GRIK1: variants seen among roughly 807,000 people sequenced by gnomAD.
GRIK1 encodes glutamate ionotropic receptor kainate type subunit 1, also known as glutamate receptor ionotropic, kainate 1.
Under a neutral mutation model 105.7 loss-of-function variants are expected in GRIK1, and 69 were observed. That is an observed-to-expected ratio of 0.65 (90% CI 0.54 to 0.80). The LOEUF is 0.80. Ranked by LOEUF, GRIK1 falls within the 30% of genes least tolerant of loss-of-function variation. GRIK1 has a pLI of 0.00. For synonymous variants in GRIK1, 438 were observed against 431.3 expected (o/e 1.02, Z -0.19); for missense variants, 1,109 against 1,167.3 (o/e 0.95, Z 0.73).
At chr21:29,608,537 G>A (rs991908604) in intron 7 of GRIK1, among the ~76,000 whole-genome samples, 7 of 152,096 alleles carry the variant, frequency 4.6e-5, no homozygotes, top group Non-Finnish European at 1.0e-4. Flanking sequence ...CTGCATTAAT[G>A]TAACACTATA....
intron 1 of GRIK1, among the ~76,000 whole-genome samples, chr21:29,851,257 G>A (rs1021654760): frequency 3.3e-5 from 5 of 152,148 alleles, no homozygotes; most frequent in Admixed American, 1.3e-4. Flanking sequence ...GTTTCACCAC[G>A]TTGGCCAGGC....
intron 1 of GRIK1, among the ~76,000 whole-genome samples, chr21:29,706,250 T>C (rs1057061743): frequency 3.3e-5 from 5 of 152,224 alleles, no homozygotes; most frequent in Non-Finnish European, 5.9e-5. Context: ...CATTTGAAAA[T>C]TTAAAAAATC....
chr21:29,681,507 C>A (rs181696176), intron 3 of GRIK1, among the ~76,000 whole-genome samples: 2 of 152,330 alleles, frequency 1.3e-5, no homozygotes, highest in African/African-American at 4.8e-5. Flanking sequence ...GAACCGCCTT[C>A]TCTCTCACAG....
intron 6 of GRIK1, among the ~76,000 whole-genome samples, chr21:29,649,411 T>C (rs763022630): frequency 4.6e-5 from 7 of 152,190 alleles, no homozygotes; most frequent in Non-Finnish European, 7.3e-5. Context: ...TAATAATAAC[T>C]GTAAGAACAC....
At chr21:29,723,996 A>G (rs1273231998) in intron 1 of GRIK1, among the ~76,000 whole-genome samples, 1 of 152,220 alleles carries the variant, frequency 6.6e-6, no homozygotes, top group Non-Finnish European at 1.5e-5. Flanking sequence ...TGTAATCAAC[A>G]AGAACATTAG....
chr21:29,937,797 ATT>A (rs11410205), intron 1 of GRIK1, among the ~76,000 whole-genome samples: 8 of 149,386 alleles, frequency 5.4e-5, no homozygotes, highest in African/African-American at 4.9e-5. Flanking sequence ...TGTTCAGAAT[ATT>A]TTTTTTTTTT....
At chr21:29,586,644 G>A (rs754247784) in intron 12 of GRIK1, among the ~76,000 whole-genome samples, 1 of 152,188 alleles carries the variant, frequency 6.6e-6, no homozygotes. Context: ...TTCAAATTTA[G>A]CATCAAAAGT....
At chr21:29,744,495 A>T (rs183978535) in intron 1 of GRIK1, among the ~76,000 whole-genome samples, 2 of 151,642 alleles carry the variant, frequency 1.3e-5, no homozygotes, top group East Asian at 3.9e-4. Context: ...AGACATTCTG[A>T]GGAGAGGGGG....
chr21:29,846,606 CTT>C (rs899041284), intron 1 of GRIK1, among the ~76,000 whole-genome samples: 1 of 152,078 alleles, frequency 6.6e-6, no homozygotes, highest in Non-Finnish European at 1.5e-5. Flanking sequence ...TGTGATTTAT[CTT>C]ATATATTCCT....
At chr21:29,784,517 A>T (rs570676689) in intron 1 of GRIK1, among the ~76,000 whole-genome samples, 431 of 152,008 alleles carry the variant, frequency 2.8e-3, no homozygotes, top group African/African-American at 8.7e-3. Context: ...GTTTTTTTTT[A>T]AAAAAATATC....
chr21:29,614,195 G>A (rs568154013), intron 7 of GRIK1, among the ~76,000 whole-genome samples: 2 of 152,190 alleles, frequency 1.3e-5, no homozygotes, highest in East Asian at 3.9e-4. Context: ...ATCTGAAGGA[G>A]GCCTGTAAGT....
intron 1 of GRIK1, among the ~76,000 whole-genome samples, chr21:29,859,532 A>G (rs1440457733): frequency 2.6e-5 from 4 of 152,206 alleles, no homozygotes; most frequent in Non-Finnish European, 5.9e-5. Flanking sequence ...AGAAATTTCC[A>G]AGAAGTACTT....
At chr21:29,663,477 A>C (rs1241403572) in intron 4 of GRIK1, among the ~76,000 whole-genome samples, 1 of 152,188 alleles carries the variant, frequency 6.6e-6, no homozygotes, top group East Asian at 1.9e-4. Context: ...CTTCTGTAAG[A>C]ATTCAGACCT....
rs190313931 is a variant in GRIK1 at position 29,894,603 on chromosome 21, C to T, written c.118+44780G>A. 7.2e-5 allele frequency among the ~76,000 whole-genome samples: 11 copies of T among 152,234 alleles called. 3 individuals carry two copies. Among genetic ancestry groups the T allele is most frequent in the Admixed American group, 7.2e-4 (11 of 15,292 alleles). ...TGTTAATCTCCTTTGGCGACACCCACACAGACATGCCCAGAAACAATACTT... is the reference window on the plus strand; with the variant it reads ...TGTTAATCTCCTTTGGCGACACCCATACAGACATGCCCAGAAACAATACTT... On this transcript the variant is annotated intron_variant, in intron 1 of 17. Coordinates refer to ENST00000327783, the MANE Select transcript of GRIK1 (RefSeq NM_001330994.2).
intron 1 of GRIK1, among the ~76,000 whole-genome samples, chr21:29,709,109 C>T (rs552215037): frequency 1.3e-5 from 2 of 152,152 alleles, no homozygotes; most frequent in South Asian, 2.1e-4. Context: ...TAATTTCTTA[C>T]TGATCTGTTA....
At chr21:29,851,321 C>G (rs903743920) in intron 1 of GRIK1, among the ~76,000 whole-genome samples, 2 of 152,142 alleles carry the variant, frequency 1.3e-5, no homozygotes, top group African/African-American at 2.4e-5. Context: ...TCCCAAAGTG[C>G]TGGAATTACA....
intron 1 of GRIK1, among the ~76,000 whole-genome samples, chr21:29,707,404 A>G (rs946503190): frequency 3.1e-5 from 2 of 65,438 alleles, no homozygotes; most frequent in African/African-American, 1.2e-4. Context: ...AGATGACTCT[A>G]TCCGGCTTTC....
chr21:29,815,799 T>C (rs1423216115), intron 1 of GRIK1, among the ~76,000 whole-genome samples: 1 of 151,890 alleles, frequency 6.6e-6, no homozygotes, highest in Non-Finnish European at 1.5e-5. Flanking sequence ...AAAAATAAAT[T>C]CAGACTAGAT....
chr21:29,856,536 C>G (rs2146072703), intron 1 of GRIK1, among the ~76,000 whole-genome samples: 1 of 152,282 alleles, frequency 6.6e-6, no homozygotes, highest in African/African-American at 2.4e-5. Flanking sequence ...TTTTGCTGAA[C>G]TGAAAATCGT....
Sources: gnomAD v4.1 joint callset for allele counts (sites outside exome capture counted in the v4.1 genomes callset) on GRCh38, gnomAD v4.1.1 for gene constraint, MANE v1.5 for transcripts, NCBI Gene and HGNC (gene_info 2026-07-23, HGNC 2026-07-21) for gene names.